Variants in ERBB4 observed in about 807,000 individuals in gnomAD.
ERBB4 encodes the protein erb-b2 receptor tyrosine kinase 4, also known as receptor tyrosine-protein kinase erbB-4.
In ERBB4, 42 loss-of-function variants were observed where a neutral mutation model predicts 158.0. The ratio of observed to expected loss-of-function variants is 0.27; its 90% CI spans 0.21 to 0.34. The LOEUF (loss-of-function observed/expected upper bound fraction) is 0.34, where lower values mean the gene tolerates loss of function less well. ERBB4 is among the 10% of genes least tolerant of loss of function. The probability of loss-of-function intolerance (pLI) is 1.00; values close to 1 mark genes in which losing one functional copy is unlikely to be tolerated. For synonymous variants in ERBB4, 583 were observed against 558.7 expected (o/e 1.04, Z -0.61); for missense variants, 1,333 against 1,624.1 (o/e 0.82, Z 3.08).
At chr2:212,398,016 G>A (rs1423026194) in intron 1 of ERBB4, among the ~76,000 whole-genome samples, 1 of 151,806 alleles carries the variant, frequency 6.6e-6, no homozygotes, top group Non-Finnish European at 1.5e-5. Context: ...AATGTGAATA[G>A]TGATAATATC....
intron 3 of ERBB4, among the ~76,000 whole-genome samples, chr2:211,818,601 G>A (rs551549603): frequency 6.6e-5 from 10 of 152,062 alleles, no homozygotes; most frequent in African/African-American, 2.4e-4. Flanking sequence ...ACAAAATAAG[G>A]CAGTTTTTCA....
At chr2:211,415,105 T>TCC (rs2063354114) in intron 25 of ERBB4, among the ~76,000 whole-genome samples, 1 of 130,246 alleles carries the variant, frequency 7.7e-6, no homozygotes, top group Non-Finnish European at 1.6e-5. Flanking sequence ...AACTTACATT[T>TCC]TCTTTTTTTT....
rs2065738208 is a variant in ERBB4, at chr2:211,505,973, A to AAT, written c.2487+55929_2487+55930insAT. ...AGACTCCATCTCAAAAAAAAAAAAAAAAAGTTATAGACAGGTAAACTGGAT... is the reference window on the plus strand; with the variant it reads ...AGACTCCATCTCAAAAAAAAAAAAAAATAAAGTTATAGACAGGTAAACTGGAT... On this transcript the variant is annotated intron_variant, in intron 20 of 27. Coordinates refer to ENST00000342788, the MANE Select transcript of ERBB4 (RefSeq NM_005235.3). 2.0e-5 allele frequency among the ~76,000 whole-genome samples: 3 copies of AAT among 151,680 alleles called. 1 individual carries two copies. The highest frequency in any genetic ancestry group is 7.3e-5 in the African/African-American group (3 of 41,294).
At chr2:212,508,521 C>T (rs1285972655) in intron 1 of ERBB4, among the ~76,000 whole-genome samples, 1 of 152,028 alleles carries the variant, frequency 6.6e-6, no homozygotes, top group Non-Finnish European at 1.5e-5. Flanking sequence ...AAAAAAGAAG[C>T]TAAACTCACA....
chr2:212,332,063 G>A (rs540874162), intron 1 of ERBB4, among the ~76,000 whole-genome samples: 59 of 152,024 alleles, frequency 3.9e-4, no homozygotes, highest in East Asian at 1.8e-3. Context: ...GTAGTGATAC[G>A]GTTTGGCTGT....
intron 19 of ERBB4, among the ~76,000 whole-genome samples, chr2:211,610,127 T>A (rs1424437238): frequency 6.6e-6 from 1 of 152,172 alleles, no homozygotes; most frequent in Non-Finnish European, 1.5e-5. Flanking sequence ...AAGAGAATTT[T>A]TATCTTTTAT....
At chr2:211,490,356 A>AT (rs1054513460) in intron 20 of ERBB4, among the ~76,000 whole-genome samples, 2 of 151,874 alleles carry the variant, frequency 1.3e-5, no homozygotes, top group African/African-American at 2.4e-5. Flanking sequence ...GAATTTATGC[A>AT]TTTTTTCCTT....
intron 3 of ERBB4, among the ~76,000 whole-genome samples, chr2:211,861,006 ATTTATATATTTATATATAT>A (rs1441131572): frequency 3.8e-5 from 1 of 26,346 alleles, no homozygotes; most frequent in Non-Finnish European, 5.5e-5. Flanking sequence ...TATATTATAT[ATTTATATATTTATATATAT>A]ATAAATATAA....
rs2078079366 is a variant in ERBB4, at chr2:211,862,337, TTTC to T, written c.422-74181_422-74179del. Among the ~76,000 whole-genome samples the T allele has an allele frequency of 1.3e-5, 2 of 152,204 alleles. 1 individual carries two copies. The highest frequency in any genetic ancestry group is 4.1e-4 in the South Asian group (2 of 4,836). ...AGCCAAATTAATGCTATAACATCTGTTTCTTATCAGCAGAAAATAAGAGTTTTT... is the reference window on the plus strand; with the variant it reads ...AGCCAAATTAATGCTATAACATCTGTTTATCAGCAGAAAATAAGAGTTTTT... On this transcript the variant is annotated intron_variant, in intron 3 of 27. Coordinates refer to ENST00000342788, the MANE Select transcript of ERBB4 (RefSeq NM_005235.3).
chr2:212,175,415 TGTG>T (rs2081633991), intron 1 of ERBB4, among the ~76,000 whole-genome samples: 1 of 151,938 alleles, frequency 6.6e-6, no homozygotes, highest in Non-Finnish European at 1.5e-5. Context: ...TGTGTTTTTG[TGTG>T]ATGTGAGGGT....
At chr2:211,929,198 T>C (rs2080101954) in intron 3 of ERBB4, among the ~76,000 whole-genome samples, 1 of 151,666 alleles carries the variant, frequency 6.6e-6, no homozygotes, top group African/African-American at 2.4e-5. Flanking sequence ...TCTCCACAGA[T>C]ACAAACATAG....
At chr2:211,638,708 C>T (rs1017147881) in intron 16 of ERBB4, among the ~76,000 whole-genome samples, 28 of 152,066 alleles carry the variant, frequency 1.8e-4, no homozygotes, top group African/African-American at 6.0e-4. Flanking sequence ...ACATTTCATT[C>T]GATAACACAG....
Position 211,587,806 on chromosome 2 carries a change from G to A in ERBB4, c.2302-25718C>T, listed in dbSNP as rs112182295. On this transcript the variant is annotated intron_variant, in intron 19 of 27. Coordinates refer to ENST00000342788, the MANE Select transcript of ERBB4 (RefSeq NM_005235.3). The stretch of plus-strand genomic sequence containing the variant: ...AACAACCTCTATGAAAGGTAACCTC[G>A]TATTATCTGTAAAAATTACAGATGT... Among the ~76,000 whole-genome samples the A allele has an allele frequency of 5.3e-5, 8 of 152,244 alleles. 1 individual carries two copies. Among genetic ancestry groups the A allele is most frequent in the African/African-American group, 9.6e-5 (4 of 41,536 alleles).
At chr2:211,730,548 A>G (rs2074395938) in intron 5 of ERBB4, among the ~76,000 whole-genome samples, 1 of 151,900 alleles carries the variant, frequency 6.6e-6, no homozygotes. Context: ...ACTGGGTTGT[A>G]TATTAGATCA....
intron 1 of ERBB4, among the ~76,000 whole-genome samples, chr2:212,314,370 G>A (rs963723465): frequency 2.0e-5 from 3 of 149,980 alleles, no homozygotes; most frequent in Admixed American, 6.7e-5. Context: ...CACCTCTGGT[G>A]AGTTAACAGC....
rs115635146 is a variant in ERBB4, at chr2:211,571,191, G to C, written c.2302-9103C>G. Among the ~76,000 whole-genome samples the C allele has an allele frequency of 8.7e-3, 1,320 of 151,528 alleles. 18 individuals carry two copies. The highest frequency in any genetic ancestry group is 0.031 in the African/African-American group (1,268 of 41,322). On this transcript the variant is annotated intron_variant, in intron 19 of 27. Transcript: ENST00000342788. ...CTGAGTAGCTGGGACTACACCTCTT[G>C]TCCCTTCAATGCAGAAATACTACCC...
At position 211,627,070 on chromosome 2, in the gene ERBB4, G is replaced by A. The variant is rs116284428; in HGVS notation, c.2080-3026C>T. 2.1e-3 allele frequency among the ~76,000 whole-genome samples: 321 copies of A among 152,110 alleles called. 1 individual carries two copies. The highest frequency in any genetic ancestry group is 7.4e-3 in the African/African-American group (305 of 41,464). Reference sequence around the variant, plus strand: ...GATAAAGCAACACAACTCTTTTCACGGCAATGAGCCTTCCCTGTGTGTGGT... The same window carrying A: ...GATAAAGCAACACAACTCTTTTCACAGCAATGAGCCTTCCCTGTGTGTGGT... On this transcript the variant is annotated intron_variant, in intron 17 of 27. Coordinates refer to ENST00000342788, the MANE Select transcript of ERBB4 (RefSeq NM_005235.3).
intron 1 of ERBB4, among the ~76,000 whole-genome samples, chr2:212,434,926 G>T (rs2092104801): frequency 6.6e-6 from 1 of 151,936 alleles, no homozygotes; most frequent in Non-Finnish European, 1.5e-5. Context: ...AAGAAGAAAA[G>T]AAAATTTTCA....
chr2:211,471,571 T>A (rs965408102), intron 20 of ERBB4, among the ~76,000 whole-genome samples: 4 of 152,156 alleles, frequency 2.6e-5, no homozygotes, highest in African/African-American at 9.7e-5. Flanking sequence ...TGTATCAATA[T>A]CCAACTGCAC....
Sources: gnomAD v4.1 joint callset for allele counts (sites outside exome capture counted in the v4.1 genomes callset) on GRCh38, gnomAD v4.1.1 for gene constraint, MANE v1.5 for transcripts, NCBI Gene and HGNC (gene_info 2026-07-23, HGNC 2026-07-21) for gene names.